Variants in SIK3 observed in about 807,000 individuals in gnomAD.
The protein encoded by SIK3 is SIK family kinase 3.
A neutral mutation model predicts 144.2 loss-of-function variants in SIK3; 28 were observed. That is an observed-to-expected ratio of 0.19 (90% CI 0.14 to 0.27). The LOEUF (loss-of-function observed/expected upper bound fraction) is 0.27, where lower values mean the gene tolerates loss of function less well. SIK3 is among the 10% of genes least tolerant of loss of function. SIK3 has a pLI of 1.00. For synonymous variants in SIK3, 686 were observed against 676.3 expected, an observed-to-expected ratio of 1.01 and a Z score of -0.22; for missense variants, 1,319 against 1,776.0, an observed-to-expected ratio of 0.74 and a Z score of 4.62.
chr11:117,006,735 T>A (rs540899506), intron 1 of SIK3, among the ~76,000 whole-genome samples: 1 of 152,266 alleles, frequency 6.6e-6, no homozygotes. Flanking sequence ...TTTGCAAATC[T>A]AGGTATTTAG....
Position 116,844,641 on chromosome 11 carries a change from T to A in SIK3, c.*1002A>T, listed in dbSNP as rs1417902574. The A allele has an allele frequency of 4.3e-5, 3 of 69,866 alleles. No homozygotes were observed. Among genetic ancestry groups the A allele is most frequent in the Middle Eastern group, 5.4e-3 (1 of 184 alleles). The allele number at this position is 69,866 out of a possible 1,614,324, so 4.3% of individuals were successfully genotyped here. A position where few individuals can be genotyped will look rare whatever the true frequency, so the allele number is the denominator to read the frequency against. On this transcript the variant is annotated 3_prime_UTR_variant, in exon 25 of 25. Transcript: ENST00000445177. ...ATAATATATATATAATATATTATATTATATATTATATATATAATATATATA... is the reference window on the plus strand; with the variant it reads ...ATAATATATATATAATATATTATATAATATATTATATATATAATATATATA...
intron 1 of SIK3, among the ~76,000 whole-genome samples, chr11:117,085,795 G>T (rs1315052860): frequency 1.3e-5 from 2 of 152,050 alleles, no homozygotes; most frequent in Admixed American, 6.6e-5. Context: ...GACCATCCTG[G>T]CCAACATGGC....
chr11:116,985,258 T>G (rs574352548), intron 1 of SIK3, among the ~76,000 whole-genome samples: 1 of 152,298 alleles, frequency 6.6e-6, no homozygotes, highest in East Asian at 1.9e-4. Flanking sequence ...CAATTATAAG[T>G]GATCTGACAT....
chr11:116,845,765 A>G (rs536598233), intron 24 of SIK3, 136 bp from the exon 25 acceptor site: 1 of 152,324 alleles, frequency 6.6e-6, no homozygotes, highest in East Asian at 1.9e-4. Flanking sequence ...TGAGGCTCTG[A>G]TGTGGATTTG....
chr11:116,844,618 A>AAT lies in SIK3; in HGVS notation c.*1023_*1024dup, dbSNP rs201144269. On this transcript the variant is annotated 3_prime_UTR_variant, in exon 25 of 25. Coordinates refer to ENST00000445177, the MANE Select transcript of SIK3 (RefSeq NM_001366686.3). ...TATTTTATATATATATTATATATAT[A>AAT]ATATATATATAATATATTATATTAT... The AAT allele has an allele frequency of 2.2e-4, 9 of 40,728 alleles. No individual in the cohort carries two copies. The highest frequency in any genetic ancestry group is 3.9e-4 in the Non-Finnish European group (8 of 20,676). 2.5% of individuals were successfully genotyped at this position (40,728 alleles called of 1,614,324 possible). A position where few individuals can be genotyped will look rare whatever the true frequency, so the allele number is the denominator to read the frequency against.
chr11:116,857,655 C>A (rs1943027583), intron 21 of SIK3, 155 bp downstream of exon 21: 2 of 1,321,974 alleles, frequency 1.5e-6, no homozygotes, highest in Non-Finnish European at 2.0e-6. Flanking sequence ...CCCACCAATA[C>A]CCACTTCCTA....
At chr11:116,979,497 G>A (rs572900883) in intron 1 of SIK3, among the ~76,000 whole-genome samples, 1 of 152,188 alleles carries the variant, frequency 6.6e-6, no homozygotes, top group South Asian at 2.1e-4. Context: ...ATGCAAAAAT[G>A]TGGCCAAATT....
chr11:117,086,124 C>T (rs1427113918), intron 1 of SIK3, among the ~76,000 whole-genome samples: 1 of 152,164 alleles, frequency 6.6e-6, no homozygotes, highest in Non-Finnish European at 1.5e-5. Flanking sequence ...ATGTCCAAAA[C>T]ACAGATAATT....
intron 3 of SIK3, among the ~76,000 whole-genome samples, chr11:116,939,999 T>C (rs1378199475): frequency 6.6e-6 from 1 of 152,230 alleles, no homozygotes; most frequent in African/African-American, 2.4e-5. Flanking sequence ...AAACATGCCC[T>C]GGCTATTACA....
chr11:116,997,124 G>A (rs778401765), intron 1 of SIK3, among the ~76,000 whole-genome samples: 1 of 152,142 alleles, frequency 6.6e-6, no homozygotes, highest in Non-Finnish European at 1.5e-5. Flanking sequence ...GGAACCACTG[G>A]CCATTATTAT....
intron 1 of SIK3, among the ~76,000 whole-genome samples, chr11:117,023,619 AAAAT>A (rs1417785753): frequency 0.022 from 2,234 of 99,636 alleles, 29 homozygotes; most frequent in Middle Eastern, 0.038. Flanking sequence ...CAAAAAAAAA[AAAAT>A]ATATATATAT....
chr11:117,074,184 A>T (rs995993971), intron 1 of SIK3, among the ~76,000 whole-genome samples: 1 of 152,232 alleles, frequency 6.6e-6, no homozygotes, highest in Non-Finnish European at 1.5e-5. Flanking sequence ...GTGCTCTGCC[A>T]GTGCCTAAGT....
At chr11:116,911,145 C>G (rs1304437779) in intron 4 of SIK3, among the ~76,000 whole-genome samples, 2 of 151,960 alleles carry the variant, frequency 1.3e-5, no homozygotes. Context: ...TAAAACAAAA[C>G]AAAACAAAAC....
chr11:117,060,622 T>C (rs1953751661), intron 1 of SIK3, among the ~76,000 whole-genome samples: 1 of 150,022 alleles, frequency 6.7e-6, no homozygotes, highest in Admixed American at 6.6e-5. Context: ...AAATCAGTGA[T>C]TGCCAGGGAC....
At chr11:116,978,628 T>C (rs572587680) in intron 1 of SIK3, among the ~76,000 whole-genome samples, 1 of 152,098 alleles carries the variant, frequency 6.6e-6, no homozygotes, top group African/African-American at 2.4e-5. Context: ...CTCAGCCTTC[T>C]GAGTAACTAG....
At chr11:116,946,072 T>A (rs1027980818) in intron 3 of SIK3, among the ~76,000 whole-genome samples, 1 of 152,222 alleles carries the variant, frequency 6.6e-6, no homozygotes, top group Non-Finnish European at 1.5e-5. Context: ...AAGGCTAATT[T>A]CTTGCAATTA....
At chr11:117,004,328 A>G (rs960260732) in intron 1 of SIK3, among the ~76,000 whole-genome samples, 2 of 152,146 alleles carry the variant, frequency 1.3e-5, no homozygotes, top group African/African-American at 4.8e-5. Context: ...CAGCCTGGGC[A>G]ACATGGTGAA....
Position 116,897,413 on chromosome 11 carries a change from T to C in SIK3, c.617-96A>G, listed in dbSNP as rs553109446. Reference sequence around the variant, plus strand: ...AGTCACTAAAGATTCCAAATCATTGTCTGAATATTAAATGCAAAAAGAGAA... The same window carrying C: ...AGTCACTAAAGATTCCAAATCATTGCCTGAATATTAAATGCAAAAAGAGAA... On this transcript the variant is annotated intron_variant, in intron 4 of 24. Transcript: ENST00000445177. 1.3e-4 allele frequency: 140 copies of C among 1,111,912 alleles called. 1 individual carries two copies. The African/African-American group carries it at 2.1e-3, about 17-fold the overall frequency. 68.9% of individuals were successfully genotyped at this position (1,111,912 alleles called of 1,614,324 possible).
At position 116,876,372 on chromosome 11, in the gene SIK3, TA is replaced by T. The variant is rs980471788; in HGVS notation, c.985-10del. 4.0e-5 allele frequency: 65 copies of T among 1,606,262 alleles called. No homozygotes were observed. Among genetic ancestry groups the T allele is most frequent in the Non-Finnish European group, 5.5e-5 (64 of 1,173,246 alleles). ...TGGCATTCAGCTATTAACTGTAACATAAAAAGGAGGAAGCTGTCAACCCCCC... is the reference window on the plus strand; with the variant it reads ...TGGCATTCAGCTATTAACTGTAACATAAAAGGAGGAAGCTGTCAACCCCCC... On this transcript the variant is annotated splice_polypyrimidine_tract_variant and intron_variant, in intron 7 of 24. Transcript: ENST00000445177.
Sources: allele counts gnomAD v4.1 joint callset (sites outside exome capture counted in the v4.1 genomes callset), GRCh38; gene constraint gnomAD v4.1.1; transcripts MANE v1.5; gene names NCBI Gene and HGNC (gene_info 2026-07-23, HGNC 2026-07-21).